Variants in NECAP2 observed in about 807,000 individuals in gnomAD.
NECAP2 encodes adaptin ear-binding coat-associated protein 2.
In NECAP2, 38 loss-of-function variants were observed where a neutral mutation model predicts 37.8. The observed-to-expected ratio is 1.01, with a 90% CI of 0.78 to 1.32. The LOEUF (loss-of-function observed/expected upper bound fraction) is 1.32. Ranked by LOEUF, NECAP2 falls within the 40% of genes most tolerant of loss-of-function variation. The probability of loss-of-function intolerance (pLI) is 0.00; values close to 1 mark genes in which losing one functional copy is unlikely to be tolerated. For synonymous variants in NECAP2, 121 were observed against 127.7 expected (o/e 0.95, Z 0.35); for missense variants, 316 against 334.5 (o/e 0.94, Z 0.43).
At chr1:16,444,774 A>G (rs2086735919) in intron 2 of NECAP2, among the ~76,000 whole-genome samples, 1 of 152,162 alleles carries the variant, frequency 6.6e-6, no homozygotes, top group Non-Finnish European at 1.5e-5. Flanking sequence ...GTCATAAGAG[A>G]ATGGTAACAC....
At chr1:16,455,611 A>G in intron 6 of NECAP2, 1 of 575,036 alleles carries the variant, frequency 1.7e-6, no homozygotes, top group Non-Finnish European at 3.1e-6. Flanking sequence ...TCCAGAGCGC[A>G]CAAGGGCTGG....
intron 2 of NECAP2, among the ~76,000 whole-genome samples, chr1:16,445,274 T>C (rs978485651): frequency 3.3e-5 from 5 of 152,186 alleles, no homozygotes; most frequent in South Asian, 4.1e-4. Context: ...AGCATATCAC[T>C]CTAGGCCAGG....
chr1:16,447,582 T>C (rs1367088308), intron 2 of NECAP2, among the ~76,000 whole-genome samples: 3 of 152,182 alleles, frequency 2.0e-5, no homozygotes, highest in Non-Finnish European at 2.9e-5. Context: ...TCAGGTGGGC[T>C]TGGAGGCTCA....
intron 6 of NECAP2, chr1:16,455,553 C>T (rs1222952580): frequency 6.6e-6 from 3 of 455,194 alleles, no homozygotes; most frequent in Non-Finnish European, 1.2e-5. Flanking sequence ...AACCACCCAT[C>T]CCGCGGGCAC....
chr1:16,452,048 A>C (rs1570268761), intron 6 of NECAP2, 33 bp downstream of exon 6: 1 of 1,522,968 alleles, frequency 6.6e-7, no homozygotes, highest in Non-Finnish European at 8.8e-7. Flanking sequence ...CTGCATCAGT[A>C]CCTGCCGGCT....
intron 6 of NECAP2, among the ~76,000 whole-genome samples, chr1:16,453,388 C>T (rs1001358406): frequency 1.6e-4 from 24 of 151,978 alleles, no homozygotes; most frequent in Non-Finnish European, 2.5e-4. Context: ...GGACTACAGG[C>T]GTGAGCTACT....
Position 16,458,870 on chromosome 1 carries a change from A to G in NECAP2, c.772A>G (p.Thr258Ala), listed in dbSNP as rs1341310752. 6.2e-7 allele frequency: 1 copy of G among 1,613,666 alleles called. No homozygotes were observed. The highest frequency in any genetic ancestry group is 1.3e-5 in the African/African-American group (1 of 74,872). The change falls in exon 8 of 8, where the codon ACA (threonine) becomes GCA (alanine). Residue 258 changes from threonine to alanine, a missense_variant. Coordinates refer to ENST00000337132, the MANE Select transcript of NECAP2 (RefSeq NM_018090.5). ...GSTSSQTQPGTGWVQF is the reference protein window; with the variant it reads ...GSTSSQTQPGAGWVQF ...AACTTCCAGCCAGACCCAGCCAGGCACAGGCTGGGTCCAGTTCTGACCTGA... is the reference window on the plus strand; with the variant it reads ...AACTTCCAGCCAGACCCAGCCAGGCGCAGGCTGGGTCCAGTTCTGACCTGA...
At chr1:16,448,224 T>G in intron 4 of NECAP2, 83 bp downstream of exon 4, 1 of 1,323,722 alleles carries the variant, frequency 7.6e-7, no homozygotes, top group Non-Finnish European at 1.1e-6. Flanking sequence ...GATACCCAAG[T>G]GTTTGTGTGT....
chr1:16,456,392 C>T (rs1216979716), intron 7 of NECAP2, among the ~76,000 whole-genome samples: 1 of 152,186 alleles, frequency 6.6e-6, no homozygotes, highest in Non-Finnish European at 1.5e-5. Context: ...TGGCACACGT[C>T]TTTCCGTGGA....
chr1:16,443,882 C>T (rs2086724583), intron 2 of NECAP2, 150 bp downstream of exon 2: 1 of 638,384 alleles, frequency 1.6e-6, no homozygotes, highest in South Asian at 1.8e-5. Context: ...TGTACCATTC[C>T]CCCACCTTAG....
At chr1:16,447,191 A>G (rs1286176038) in intron 2 of NECAP2, among the ~76,000 whole-genome samples, 1 of 152,220 alleles carries the variant, frequency 6.6e-6, no homozygotes, top group Non-Finnish European at 1.5e-5. Context: ...AAAAAATACT[A>G]AAAGCAACAA....
At chr1:16,450,206 G>A (rs1180438871) in intron 5 of NECAP2, 1 of 454,252 alleles carries the variant, frequency 2.2e-6, no homozygotes, top group Non-Finnish European at 4.4e-6. Flanking sequence ...TCGCTTGGAG[G>A]AAACTAACAT....
intron 6 of NECAP2, among the ~76,000 whole-genome samples, chr1:16,452,826 G>A (rs2086866217): frequency 6.6e-6 from 1 of 151,320 alleles, no homozygotes; most frequent in Non-Finnish European, 1.5e-5. Context: ...TCCCCAGGCT[G>A]GGCGATTGTC....
rs560603834 is a variant in NECAP2 at position 16,450,258 on chromosome 1, G to T, written c.489+1057G>T. ...GAGGGCCAGGTAGTGGTTTTTTTTT[G>T]TTTTGTTTTGTTTTTTGTTTTGTTT... On this transcript the variant is annotated intron_variant, in intron 5 of 7. Coordinates refer to ENST00000337132, the MANE Select transcript of NECAP2 (RefSeq NM_018090.5). 2,459 of 346,306 alleles carry T rather than the reference G, an allele frequency of 7.1e-3. 29 individuals carry two copies. The highest frequency in any genetic ancestry group is 0.026 in the South Asian group (1,283 of 50,006). The allele number at this position is 346,306 out of a possible 1,614,324, so 21.5% of individuals were successfully genotyped here. A position where few individuals can be genotyped will look rare whatever the true frequency, so the allele number is the denominator to read the frequency against.
intron 2 of NECAP2, 128 bp from the exon 3 acceptor site, chr1:16,447,742 A>C: frequency 1.4e-6 from 1 of 715,858 alleles, no homozygotes; most frequent in Non-Finnish European, 2.5e-6. Flanking sequence ...TGAATCCCAC[A>C]GTAAGGTTTG....
At chr1:16,446,068 C>CGTG (rs2100948546) in intron 2 of NECAP2, among the ~76,000 whole-genome samples, 1 of 152,066 alleles carries the variant, frequency 6.6e-6, no homozygotes, top group Non-Finnish European at 1.5e-5. Flanking sequence ...ATTAGCCGGG[C>CGTG]GTGGTGGTGC....
chr1:16,446,886 ACT>A (rs1028522363), intron 2 of NECAP2, among the ~76,000 whole-genome samples: 3 of 151,864 alleles, frequency 2.0e-5, no homozygotes, highest in Non-Finnish European at 4.4e-5. Context: ...ATGGTGAAAC[ACT>A]GTCTCTACTA....
Position 16,451,837 on chromosome 1 carries a change from G to A in NECAP2, c.490-1G>A, listed in dbSNP as rs781602458. The A allele has an allele frequency of 2.5e-6, 4 of 1,614,086 alleles. No individual in the cohort carries two copies. In the East Asian group the frequency reaches 8.9e-5, roughly 36 times the overall value. On this transcript the variant is annotated splice_acceptor_variant, in intron 5 of 7. Transcript: ENST00000337132. LOFTEE classifies it high-confidence loss of function. ...GATTTGCATTCCTCTTCCCTCTTTA[G>A]AACATGAAGAAGAAGGAAGGAGCAG... is the stretch of plus-strand genomic sequence containing the variant.
intron 2 of NECAP2, among the ~76,000 whole-genome samples, chr1:16,445,415 G>A (rs1163280158): frequency 6.6e-6 from 1 of 152,206 alleles, no homozygotes. Flanking sequence ...CACCCCCCAA[G>A]TTGTGACAAT....
Sources: gnomAD v4.1 joint callset for allele counts (sites outside exome capture counted in the v4.1 genomes callset) on GRCh38, gnomAD v4.1.1 for gene constraint, MANE v1.5 for transcripts, NCBI Gene and HGNC (gene_info 2026-07-23, HGNC 2026-07-21) for gene names.